Variants in BMP4 observed in about 807,000 individuals in gnomAD.
BMP4 encodes the protein bone morphogenetic protein 4.
Under a neutral mutation model 29.6 loss-of-function variants are expected in BMP4, and 3 were observed. That is an observed-to-expected ratio of 0.10 (90% CI 0.05 to 0.26). The LOEUF is 0.26. BMP4 is among the 10% of genes least tolerant of loss of function. BMP4 has a pLI of 1.00. For synonymous variants in BMP4, 197 were observed against 213.2 expected (o/e 0.92, Z 0.66); for missense variants, 455 against 550.2 (o/e 0.83, Z 1.73).
In BMP4 at chr14:53,952,109, A is replaced by C; in HGVS notation, c.114T>G (p.Ile38Met). Residue 38 changes from isoleucine (I) to methionine (M), a missense_variant, in exon 3 of 4, where the codon ATT (isoleucine) becomes ATG (methionine). By Grantham distance (10) the Ile-to-Met change is conservative. This residue lies in a region of BMP4 where 249 missense variants were observed against 284.6 expected (regional missense o/e 0.87). Transcript: ENST00000245451. ...PETGKKKVAEIQGHAGGRRSG... is the reference protein window; with the variant it reads ...PETGKKKVAEMQGHAGGRRSG... Reference sequence around the variant, plus strand: ...AGCGGCGTCCTCCCGCGTGGCCCTGAATCTCGGCGACTTTTTTCTTCCCCG... The same window carrying C: ...AGCGGCGTCCTCCCGCGTGGCCCTGCATCTCGGCGACTTTTTTCTTCCCCG... 1 of 1,613,626 alleles carries C rather than the reference A, an allele frequency of 6.2e-7. No homozygotes were observed. The highest frequency in any genetic ancestry group is 8.5e-7 in the Non-Finnish European group (1 of 1,179,590).
chr14:53,955,732 G>A lies in BMP4; in HGVS notation c.-133+818C>T, dbSNP rs1895691628. On this transcript the variant is annotated intron_variant, in intron 1 of 3. Coordinates refer to ENST00000245451, the MANE Select transcript of BMP4 (RefSeq NM_001202.6). The surrounding 1 kb of genome is among the most constrained non-coding windows in gnomAD (Gnocchi z 4.0). ...CTGGAAGAAGCCTGCAGGGACTCGG[G>A]AATCACGGGAACCTTTCCCGTCGGT... is the stretch of plus-strand genomic sequence containing the variant. 1 of 152,190 alleles carries A rather than the reference G, an allele frequency of 6.6e-6. No homozygotes were observed. Among genetic ancestry groups the A allele is most frequent in the African/African-American group, 2.4e-5 (1 of 41,428 alleles). The allele number at this position is 152,190 out of a possible 1,614,324, so 9.4% of individuals were successfully genotyped here.
At chr14:53,953,933 C>CCT (rs1303485187) in intron 1 of BMP4, among the ~76,000 whole-genome samples, 12 of 151,666 alleles carry the variant, frequency 7.9e-5, no homozygotes, top group Middle Eastern at 3.4e-3. Context: ...ACACACACCC[C>CCT]CCCACACACA....
chr14:53,956,402 A>T, intron 1 of BMP4, 148 bp downstream of exon 1: 1 of 397,286 alleles, frequency 2.5e-6, no homozygotes, highest in Non-Finnish European at 4.4e-6. Context: ...AAGGTCTTTC[A>T]GCGCCAGCAT....
At chr14:53,951,445 A>C (rs1366726057) in intron 3 of BMP4, 1 of 212,724 alleles carries the variant, frequency 4.7e-6, no homozygotes, top group Non-Finnish European at 9.4e-6. Context: ...AATAACTCAG[A>C]TTTACTTTGG....
chr14:53,952,039 G>A lies in BMP4; in HGVS notation c.184C>T (p.Leu62=). The change falls in exon 3 of 4, where the codon CTG becomes TTG. Residue 62 remains leucine (L), a synonymous_variant. Transcript: ENST00000245451. ...ELLRDFEATL[L]QMFGLRRRPQ... ...CGGCGGCGCAGCCCAAACATCTGCA[G>A]AAGTGTCGCCTCGAAGTCCCGCAGG... 2.5e-6 allele frequency: 4 copies of A among 1,614,190 alleles called. No individual in the cohort carries two copies. The highest frequency in any genetic ancestry group is 2.5e-6 in the Non-Finnish European group (3 of 1,180,042).
In BMP4 at chr14:53,956,575, G is replaced by A; in HGVS notation, c.-158C>T. 1 of 399,216 alleles carries A rather than the reference G, an allele frequency of 2.5e-6. No homozygotes were observed. Among genetic ancestry groups the A allele is most frequent in the South Asian group, 1.3e-4 (1 of 7,848 alleles). The allele number at this position is 399,216 out of a possible 1,614,324, so 24.7% of individuals were successfully genotyped here. On this transcript the variant is annotated 5_prime_UTR_variant, in exon 1 of 4. Coordinates refer to ENST00000245451, the MANE Select transcript of BMP4 (RefSeq NM_001202.6). The stretch of plus-strand genomic sequence containing the variant: ...CATAGGTCCCTGCAGTAGCGGGCTC[G>A]CCAGCAGCAGCTCCTGGGGACCTCT...
At position 53,952,038 on chromosome 14, in the gene BMP4, A is replaced by C. The variant is rs1895454641; in HGVS notation, c.185T>G (p.Leu62Arg). The C allele has an allele frequency of 1.2e-6, 2 of 1,614,190 alleles. No individual in the cohort carries two copies. Among genetic ancestry groups the C allele is most frequent in the Non-Finnish European group, 1.7e-6 (2 of 1,180,036 alleles). ...ELLRDFEATL[L>R]QMFGLRRRPQ... is the part of the protein sequence containing the mutation. Reference sequence around the variant, plus strand: ...GCGGCGGCGCAGCCCAAACATCTGCAGAAGTGTCGCCTCGAAGTCCCGCAG... The same window carrying C: ...GCGGCGGCGCAGCCCAAACATCTGCCGAAGTGTCGCCTCGAAGTCCCGCAG... Residue 62 changes from leucine (L) to arginine (R), a missense_variant, in exon 3 of 4, where the codon CTG (leucine) becomes CGG (arginine). Around this residue, in one of 4 missense-constraint regions of BMP4, gnomAD observed 249 missense variants for 284.6 expected, o/e 0.87. Coordinates refer to ENST00000245451, the MANE Select transcript of BMP4 (RefSeq NM_001202.6).
chr14:53,953,434 C>T (rs1268460138), intron 1 of BMP4, 34 bp from the exon 2 acceptor site: 1 of 398,812 alleles, frequency 2.5e-6, no homozygotes, highest in African/African-American at 2.1e-5. Flanking sequence ...TGAGACTCCA[C>T]CGCAGACAGG....
chr14:53,952,475 T>A (rs1895496087), intron 2 of BMP4, among the ~76,000 whole-genome samples: 1 of 151,538 alleles, frequency 6.6e-6, no homozygotes, highest in African/African-American at 2.4e-5. Context: ...TACAGTCAAA[T>A]AACCCCAAAT....
Position 53,950,222 on chromosome 14 carries a change from G to A in BMP4, c.1037C>T (p.Ala346Val), listed in dbSNP as rs121912766. ...YCHGDCPFPL[A>V]DHLNSTNHAI... ...ATGGTTGGTTGAGTTGAGGTGGTCA[G>A]CCAGTGGAAAGGGGCAGTCCCCATG... Residue 346 changes from alanine (A) to valine (V), a missense_variant, in exon 4 of 4, where the codon GCT becomes GTT. This residue lies in a region of BMP4 where 48 missense variants were observed against 90.4 expected (regional missense o/e 0.53). Transcript: ENST00000245451. This position sits in a 1 kb window ranked among gnomAD's most constrained non-coding sequence, Gnocchi z 5.4. The A allele has an allele frequency of 6.2e-7, 1 of 1,614,256 alleles. No individual in the cohort carries two copies. Among genetic ancestry groups the A allele is most frequent in the Non-Finnish European group, 8.5e-7 (1 of 1,180,046 alleles).
At position 53,954,439 on chromosome 14, in the gene BMP4, G is replaced by C. The variant is rs1895626606; in HGVS notation, c.-132-1039C>G. ...ATCCCACCATGTTCCCCGGAGTCGA[G>C]AAAACGGTGAACAGCTTTCGGCCTG... is the stretch of plus-strand genomic sequence containing the variant. On this transcript the variant is annotated intron_variant, in intron 1 of 3. Transcript: ENST00000245451. This position sits in a 1 kb window ranked among gnomAD's most constrained non-coding sequence, Gnocchi z 4.8. 1 of 152,106 alleles carries C rather than the reference G, an allele frequency of 6.6e-6. No individual in the cohort carries two copies. 9.4% of individuals were successfully genotyped at this position (152,106 alleles called of 1,614,324 possible).
chr14:53,950,007 G>A lies in BMP4; in HGVS notation c.*25C>T. ...GTGTGTGTGTGTGGTGTGTATATCTGTCTATCCTCAAGGACTGCCTGATCT... is the reference window on the plus strand; with the variant it reads ...GTGTGTGTGTGTGGTGTGTATATCTATCTATCCTCAAGGACTGCCTGATCT... On this transcript the variant is annotated 3_prime_UTR_variant, in exon 4 of 4. Coordinates refer to ENST00000245451, the MANE Select transcript of BMP4 (RefSeq NM_001202.6). This position sits in a 1 kb window ranked among gnomAD's most constrained non-coding sequence, Gnocchi z 5.4. 1 of 1,612,486 alleles carries A rather than the reference G, an allele frequency of 6.2e-7. No homozygotes were observed. The highest frequency in any genetic ancestry group is 8.5e-7 in the Non-Finnish European group (1 of 1,179,696).
chr14:53,951,478 C>A, intron 3 of BMP4: 1 of 224,994 alleles, frequency 4.4e-6, no homozygotes, highest in Non-Finnish European at 8.7e-6. Flanking sequence ...CGCTAGGAAA[C>A]ATTCAGATCG....
rs756353828 is a variant in BMP4 at position 53,952,100 on chromosome 14, G to A, written c.123C>T (p.His41=). 2 of 1,613,850 alleles carry A rather than the reference G, an allele frequency of 1.2e-6. No homozygotes were observed. The highest frequency in any genetic ancestry group is 1.7e-6 in the Non-Finnish European group (2 of 1,179,746). The part of the protein sequence containing the change: ...GKKKVAEIQG[H]AGGRRSGQSH... ...TCTGCCCTGAGCGGCGTCCTCCCGC[G>A]TGGCCCTGAATCTCGGCGACTTTTT... Residue 41 remains histidine (H), a synonymous_variant, in exon 3 of 4, where the codon CAC becomes CAT. Coordinates refer to ENST00000245451, the MANE Select transcript of BMP4 (RefSeq NM_001202.6).
In BMP4 at chr14:53,950,694, C is replaced by T; in HGVS notation, c.565G>A (p.Glu189Lys). 1 of 1,614,248 alleles carries T rather than the reference C, an allele frequency of 6.2e-7. No homozygotes were observed. The highest frequency in any genetic ancestry group is 8.5e-7 in the Non-Finnish European group (1 of 1,180,052). ...GTGATGAGGTGCCCAGGCACCACTT[C>T]TGCTGGGGGCTTCATAACCTCATAA... is the stretch of plus-strand genomic sequence containing the variant. ...NIYEVMKPPA[E>K]VVPGHLITRL... The change falls in exon 4 of 4, where the codon GAA becomes AAA. Residue 189 changes from glutamate (E) to lysine (K), a missense_variant. This residue lies in a region of BMP4 where 249 missense variants were observed against 284.6 expected (regional missense o/e 0.87). Coordinates refer to ENST00000245451, the MANE Select transcript of BMP4 (RefSeq NM_001202.6). The surrounding 1 kb of genome is among the most constrained non-coding windows in gnomAD (Gnocchi z 5.4).
At position 53,950,383 on chromosome 14, in the gene BMP4, A is replaced by G; in HGVS notation, c.876T>C (p.Arg292=). The change falls in exon 4 of 4, where the codon CGT becomes CGC. Residue 292 remains arginine, a synonymous_variant. Transcript: ENST00000245451. The surrounding 1 kb of genome is among the most constrained non-coding windows in gnomAD (Gnocchi z 5.4). ...HALTRRRRAK[R]SPKHHSQRAR... is the part of the protein sequence containing the mutation. ...CCCGCTGTGAGTGATGCTTAGGGCTACGCTTGGCCCTCCGGCGTCGGGTCA... is the reference window on the plus strand; with the variant it reads ...CCCGCTGTGAGTGATGCTTAGGGCTGCGCTTGGCCCTCCGGCGTCGGGTCA... The G allele has an allele frequency of 6.2e-7, 1 of 1,613,782 alleles. No homozygotes were observed. The highest frequency in any genetic ancestry group is 8.5e-7 in the Non-Finnish European group (1 of 1,179,770).
rs1379205594 is a variant in BMP4 at position 53,955,539 on chromosome 14, A to G, written c.-133+1011T>C. The G allele has an allele frequency of 6.6e-6, 1 of 152,244 alleles. No individual in the cohort carries two copies. Among genetic ancestry groups the G allele is most frequent in the Non-Finnish European group, 1.5e-5 (1 of 68,048 alleles). The allele number at this position is 152,244 out of a possible 1,614,324, so 9.4% of individuals were successfully genotyped here. Reference sequence around the variant, plus strand: ...GGTTGTCCTTCACTTCCCTACTCGAATCTTCTCCTAATGCCGAAATGTGTT... The same window carrying G: ...GGTTGTCCTTCACTTCCCTACTCGAGTCTTCTCCTAATGCCGAAATGTGTT... On this transcript the variant is annotated intron_variant, in intron 1 of 3. Coordinates refer to ENST00000245451, the MANE Select transcript of BMP4 (RefSeq NM_001202.6). The surrounding 1 kb of genome is among the most constrained non-coding windows in gnomAD (Gnocchi z 4.0).
At position 53,952,121 on chromosome 14, in the gene BMP4, T is replaced by C; in HGVS notation, c.102A>G (p.Lys34=). The C allele has an allele frequency of 6.2e-7, 1 of 1,613,576 alleles. No individual in the cohort carries two copies. Among genetic ancestry groups the C allele is most frequent in the Non-Finnish European group, 8.5e-7 (1 of 1,179,512 alleles). ...CCGCGTGGCCCTGAATCTCGGCGACTTTTTTCTTCCCCGTCTCAGGTATCA... is the reference window on the plus strand; with the variant it reads ...CCGCGTGGCCCTGAATCTCGGCGACCTTTTTCTTCCCCGTCTCAGGTATCA... ...ASLIPETGKK[K]VAEIQGHAGG... Residue 34 remains lysine (K), a synonymous_variant, in exon 3 of 4, where the codon AAA becomes AAG. Coordinates refer to ENST00000245451, the MANE Select transcript of BMP4 (RefSeq NM_001202.6).
rs1312619081 is a variant in BMP4 at position 53,950,474 on chromosome 14, C to T, written c.785G>A (p.Ser262Asn). The T allele has an allele frequency of 1.2e-6, 2 of 1,613,980 alleles. No individual in the cohort carries two copies. The highest frequency in any genetic ancestry group is 2.7e-5 in the African/African-American group (2 of 74,958). Residue 262 changes from serine to asparagine, a missense_variant, in exon 4 of 4, where the codon AGT becomes AAT. This residue lies in a region of BMP4 where 154 missense variants were observed against 156.8 expected (regional missense o/e 0.98). Transcript: ENST00000245451. The surrounding 1 kb of genome is among the most constrained non-coding windows in gnomAD (Gnocchi z 5.4). ...GGGCCGGAGCTGGGCCCAATTCCCACTCCCTTGAGGTAACGATCGGCTAAT... is the reference window on the plus strand; with the variant it reads ...GGGCCGGAGCTGGGCCCAATTCCCATTCCCTTGAGGTAACGATCGGCTAAT... ...VRISRSLPQGSGNWAQLRPLL... is the reference protein window; with the variant it reads ...VRISRSLPQGNGNWAQLRPLL...
Sources: gnomAD v4.1 joint callset for allele counts (sites outside exome capture counted in the v4.1 genomes callset) on GRCh38, gnomAD v4.1.1 for gene constraint, gnomAD v4.1.1 regional missense constraint, Gnocchi (gnomAD v3.1) non-coding constraint, MANE v1.5 for transcripts, NCBI Gene and HGNC (gene_info 2026-07-23, HGNC 2026-07-21) for gene names.